ME1: variants seen among roughly 807,000 people sequenced by gnomAD.
The protein encoded by ME1 is malic enzyme 1, also known as NADP-dependent malic enzyme.
In ME1, 74 loss-of-function variants were observed where a neutral mutation model predicts 66.4. That is an observed-to-expected ratio of 1.11 (90% CI 0.92 to 1.35). ME1 has a LOEUF of 1.35. ME1 is among the 40% of genes most tolerant of loss of function. The pLI, the probability that ME1 is intolerant of heterozygous loss-of-function variation, is 0.00. For missense variants in ME1, 750 were observed against 694.1 expected (o/e 1.08, Z -0.90); for synonymous variants, 251 against 235.6 (o/e 1.07, Z -0.60).
At chr6:83,354,901 CA>C (rs1332899138) in intron 3 of ME1, among the ~76,000 whole-genome samples, 3 of 152,072 alleles carry the variant, frequency 2.0e-5, no homozygotes, top group Admixed American at 2.0e-4. Context: ...GCACAGAAAA[CA>C]TGAAATAAAT....
intron 13 of ME1, among the ~76,000 whole-genome samples, chr6:83,212,754 T>C (rs911355022): frequency 6.6e-6 from 1 of 152,164 alleles, no homozygotes; most frequent in Admixed American, 6.5e-5. Context: ...TTTTTCTCTC[T>C]TTACTTAAAA....
At chr6:83,225,294 T>C (rs1790174244) in intron 11 of ME1, among the ~76,000 whole-genome samples, 1 of 151,492 alleles carries the variant, frequency 6.6e-6, no homozygotes, top group Admixed American at 6.6e-5. Flanking sequence ...CATTTGTCTG[T>C]GATGGTGAGA....
intron 12 of ME1, among the ~76,000 whole-genome samples, chr6:83,219,119 T>A (rs1188003127): frequency 6.6e-6 from 1 of 152,194 alleles, no homozygotes; most frequent in Non-Finnish European, 1.5e-5. Context: ...GAGAATGATT[T>A]AAAACAATGA....
intron 4 of ME1, among the ~76,000 whole-genome samples, chr6:83,349,489 G>T (rs991639770): frequency 1.3e-5 from 2 of 152,074 alleles, no homozygotes; most frequent in African/African-American, 4.8e-5. Context: ...TTATTATCTA[G>T]GCATTACCTG....
chr6:83,264,490 G>A (rs886295753), intron 6 of ME1, among the ~76,000 whole-genome samples: 7 of 152,068 alleles, frequency 4.6e-5, no homozygotes, highest in African/African-American at 1.7e-4. Flanking sequence ...TTATGAATTT[G>A]GGCAAAGTAA....
At chr6:83,304,894 C>T (rs1315641677) in intron 6 of ME1, among the ~76,000 whole-genome samples, 1 of 152,124 alleles carries the variant, frequency 6.6e-6, no homozygotes, top group African/African-American at 2.4e-5. Flanking sequence ...ATATTTACTA[C>T]CAACTTGCAT....
chr6:83,275,591 A>G (rs1402935118), intron 6 of ME1, among the ~76,000 whole-genome samples: 3 of 131,578 alleles, frequency 2.3e-5, no homozygotes, highest in Non-Finnish European at 3.2e-5. Context: ...TCAGCCTCCC[A>G]AGTAGCTAGG....
At chr6:83,226,019 G>A (rs929680928) in intron 11 of ME1, among the ~76,000 whole-genome samples, 1 of 151,876 alleles carries the variant, frequency 6.6e-6, no homozygotes, top group African/African-American at 2.4e-5. Context: ...TGGTTCAATA[G>A]TCTTTCTGTA....
At chr6:83,256,502 C>T (rs1215385715) in intron 6 of ME1, among the ~76,000 whole-genome samples, 11 of 152,140 alleles carry the variant, frequency 7.2e-5, no homozygotes, top group Admixed American at 5.9e-4. Flanking sequence ...TACCGTCTCA[C>T]ACCAGTTAGA....
At chr6:83,398,610 T>A in intron 2 of ME1, 94 bp from the exon 3 acceptor site, 1 of 630,250 alleles carries the variant, frequency 1.6e-6, no homozygotes, top group African/African-American at 1.9e-5. Context: ...AAGTATAAAG[T>A]ACATTTAGGT....
chr6:83,267,004 C>T (rs1228941912), intron 6 of ME1, among the ~76,000 whole-genome samples: 1 of 152,150 alleles, frequency 6.6e-6, no homozygotes, highest in Non-Finnish European at 1.5e-5. Context: ...AAGAATGCAA[C>T]TTCGTCTCTG....
intron 1 of ME1, among the ~76,000 whole-genome samples, chr6:83,417,378 T>C (rs930588986): frequency 6.6e-6 from 1 of 150,984 alleles, no homozygotes; most frequent in African/African-American, 2.4e-5. Context: ...TTTTTGTTGT[T>C]GTTGTTGTTG....
chr6:83,216,490 G>T lies in ME1; in HGVS notation c.1548+8C>A. 6.4e-7 allele frequency: 1 copy of T among 1,556,700 alleles called. No homozygotes were observed. On this transcript the variant is annotated splice_region_variant and intron_variant, in intron 13 of 13. Transcript: ENST00000369705. ...AAAATAATGAAGCTTGAACAAGAGTGGTTTTACCTTTTCTGCAATTTTCAG... is the reference window on the plus strand; with the variant it reads ...AAAATAATGAAGCTTGAACAAGAGTTGTTTTACCTTTTCTGCAATTTTCAG...
chr6:83,230,671 C>G (rs1790287714), intron 9 of ME1, among the ~76,000 whole-genome samples: 1 of 152,134 alleles, frequency 6.6e-6, no homozygotes, highest in Admixed American at 6.5e-5. Flanking sequence ...GTGGCTCATG[C>G]CTGTAATCCC....
At chr6:83,361,349 T>C (rs1022292512) in intron 3 of ME1, among the ~76,000 whole-genome samples, 2 of 152,224 alleles carry the variant, frequency 1.3e-5, no homozygotes, top group African/African-American at 2.4e-5. Flanking sequence ...CAATGCCTAG[T>C]AGGCCGATTT....
At chr6:83,405,612 G>A (rs571028727) in intron 2 of ME1, among the ~76,000 whole-genome samples, 24 of 152,050 alleles carry the variant, frequency 1.6e-4, no homozygotes, top group African/African-American at 3.1e-4. Flanking sequence ...TCCAGCTTTC[G>A]CCCACTCAGT....
At chr6:83,395,336 C>T (rs558734969) in intron 3 of ME1, among the ~76,000 whole-genome samples, 28 of 152,180 alleles carry the variant, frequency 1.8e-4, no homozygotes, top group African/African-American at 6.0e-4. Flanking sequence ...ATCTGCCTGC[C>T]TCAGCCTCCC....
At position 83,253,687 on chromosome 6, in the gene ME1, T is replaced by C. The variant is rs1478537979; in HGVS notation, c.756A>G (p.Ala252=). Residue 252 remains alanine (A), a synonymous_variant, in exon 7 of 14, where the codon GCA becomes GCG. Coordinates refer to ENST00000369705, the MANE Select transcript of ME1 (RefSeq NM_002395.6). ...TTCGATACTTGTTCAGGAGACGAAA[T>C]GCATTCACATTGGCAAAATCTTCAA... The part of the protein sequence containing the change: ...IQFEDFANVN[A]FRLLNKYRNQ... 1 of 1,611,978 alleles carries C rather than the reference T, an allele frequency of 6.2e-7. No homozygotes were observed. Among genetic ancestry groups the C allele is most frequent in the Admixed American group, 1.7e-5 (1 of 59,980 alleles).
At chr6:83,389,100 CAG>C (rs1194346349) in intron 3 of ME1, among the ~76,000 whole-genome samples, 1 of 152,088 alleles carries the variant, frequency 6.6e-6, no homozygotes, top group African/African-American at 2.4e-5. Context: ...GCCTGGGTGA[CAG>C]AGTGAGACTC....
Sources: allele counts gnomAD v4.1 joint callset (sites outside exome capture counted in the v4.1 genomes callset), GRCh38; gene constraint gnomAD v4.1.1; transcripts MANE v1.5; gene names NCBI Gene and HGNC (gene_info 2026-07-23, HGNC 2026-07-21).